SGCZ: variants seen among roughly 807,000 people sequenced by gnomAD.
SGCZ encodes zeta-sarcoglycan.
A neutral mutation model predicts 41.3 loss-of-function variants in SGCZ; 40 were observed. The ratio of observed to expected loss-of-function variants is 0.97; its 90% CI spans 0.75 to 1.26. The LOEUF (loss-of-function observed/expected upper bound fraction) is 1.26, where lower values mean the gene tolerates loss of function less well. Ranked by LOEUF, SGCZ falls within the 50% of genes most tolerant of loss-of-function variation. The pLI, the probability that SGCZ is intolerant of heterozygous loss-of-function variation, is 0.00. For synonymous variants in SGCZ, 206 were observed against 137.5 expected (o/e 1.50, Z -3.49); for missense variants, 552 against 369.8 (o/e 1.49, Z -4.04).
At chr8:14,831,524 T>C (rs965323397) in intron 1 of SGCZ, among the ~76,000 whole-genome samples, 2 of 152,082 alleles carry the variant, frequency 1.3e-5, no homozygotes, top group African/African-American at 4.8e-5. Flanking sequence ...CTACTACTTA[T>C]TCTACTAGAC....
intron 1 of SGCZ, among the ~76,000 whole-genome samples, chr8:14,868,003 T>C (rs1035175855): frequency 6.6e-6 from 1 of 152,064 alleles, no homozygotes; most frequent in Non-Finnish European, 1.5e-5. Context: ...TTCCACATGA[T>C]TGAGTCCCTG....
At chr8:14,471,466 A>T (rs1001508400) in intron 2 of SGCZ, among the ~76,000 whole-genome samples, 11 of 152,112 alleles carry the variant, frequency 7.2e-5, no homozygotes, top group African/African-American at 2.7e-4. Flanking sequence ...TGAATGATAC[A>T]ACATCCAATT....
chr8:15,152,578 T>C (rs1799210189), intron 1 of SGCZ, among the ~76,000 whole-genome samples: 1 of 152,158 alleles, frequency 6.6e-6, no homozygotes, highest in African/African-American at 2.4e-5. Context: ...GAAAAGCCAT[T>C]ATCTTTTCAG....
At chr8:14,259,428 GT>G (rs1799576105) in intron 3 of SGCZ, among the ~76,000 whole-genome samples, 1 of 151,038 alleles carries the variant, frequency 6.6e-6, no homozygotes, top group Non-Finnish European at 1.5e-5. Flanking sequence ...TTCTTCTAGG[GT>G]TTTTATGGTT....
chr8:14,405,457 C>T (rs1473853584), intron 2 of SGCZ, among the ~76,000 whole-genome samples: 2 of 151,922 alleles, frequency 1.3e-5, no homozygotes, highest in Admixed American at 1.3e-4. Flanking sequence ...TTTATTATAC[C>T]TCAATGTGCA....
intron 6 of SGCZ, 119 bp from the exon 7 acceptor site, chr8:14,102,618 A>G: frequency 4.2e-6 from 4 of 956,330 alleles, no homozygotes; most frequent in Non-Finnish European, 5.4e-6. Context: ...AACCAGACAG[A>G]CAGGCATAAA....
At chr8:14,957,457 C>G (rs897628342) in intron 1 of SGCZ, among the ~76,000 whole-genome samples, 1 of 151,848 alleles carries the variant, frequency 6.6e-6, no homozygotes, top group African/African-American at 2.4e-5. Context: ...CTTGGTCTTA[C>G]CGATTCTCAA....
chr8:14,801,290 G>T (rs758235897), intron 1 of SGCZ, among the ~76,000 whole-genome samples: 1 of 152,046 alleles, frequency 6.6e-6, no homozygotes, highest in Admixed American at 6.6e-5. Flanking sequence ...TATGCTACTG[G>T]CATTTCATTG....
intron 4 of SGCZ, among the ~76,000 whole-genome samples, chr8:14,183,774 C>T (rs991734581): frequency 7.9e-5 from 12 of 151,996 alleles, no homozygotes; most frequent in Admixed American, 2.6e-4. Flanking sequence ...GAAAACAATG[C>T]CTATTGTTAA....
intron 1 of SGCZ, among the ~76,000 whole-genome samples, chr8:15,117,677 G>C (rs1807323932): frequency 6.6e-6 from 1 of 152,124 alleles, no homozygotes; most frequent in South Asian, 2.1e-4. Context: ...GCTACCAAAT[G>C]CTACACAAAA....
At chr8:14,204,585 T>C (rs1805560165) in intron 4 of SGCZ, among the ~76,000 whole-genome samples, 1 of 152,156 alleles carries the variant, frequency 6.6e-6, no homozygotes, top group Non-Finnish European at 1.5e-5. Context: ...GGTGTGTCTG[T>C]TAGGGTGTTT....
chr8:14,574,347 G>A lies in SGCZ; in HGVS notation c.40-19421C>T, dbSNP rs554046721. 3.3e-5 allele frequency among the ~76,000 whole-genome samples: 5 copies of A among 149,574 alleles called. No individual in the cohort carries two copies. The South Asian group carries it at 1.0e-3, about 31-fold the overall frequency. On this transcript the variant is annotated intron_variant, in intron 1 of 7. Coordinates refer to ENST00000382080, the MANE Select transcript of SGCZ (RefSeq NM_139167.4). Reference sequence around the variant, plus strand: ...AACAAGAATTCCTTTTCCTCAAAGTGGTTCATAGAAACCAGAATCACTTTC... The same window carrying A: ...AACAAGAATTCCTTTTCCTCAAAGTAGTTCATAGAAACCAGAATCACTTTC...
intron 1 of SGCZ, among the ~76,000 whole-genome samples, chr8:14,652,450 A>C (rs555938965): frequency 6.6e-6 from 1 of 152,122 alleles, no homozygotes; most frequent in East Asian, 1.9e-4. Flanking sequence ...TAAGCAATTA[A>C]GTATTTCCCA....
At chr8:14,623,265 C>G (rs1050621477) in intron 1 of SGCZ, among the ~76,000 whole-genome samples, 10 of 152,102 alleles carry the variant, frequency 6.6e-5, no homozygotes, top group South Asian at 2.1e-4. Context: ...AATTAAGTAG[C>G]AGGAAAGCAA....
chr8:14,861,894 G>A (rs927106836), intron 1 of SGCZ, among the ~76,000 whole-genome samples: 1 of 151,902 alleles, frequency 6.6e-6, no homozygotes, highest in African/African-American at 2.4e-5. Context: ...CAAATAGGAT[G>A]GAAAATACAT....
intron 3 of SGCZ, among the ~76,000 whole-genome samples, chr8:14,278,980 G>T (rs1472553044): frequency 6.6e-6 from 1 of 152,106 alleles, no homozygotes; most frequent in Admixed American, 6.6e-5. Context: ...ATGTGTTAAA[G>T]AAATGGCTCT....
At chr8:14,901,273 C>T (rs1422278133) in intron 1 of SGCZ, among the ~76,000 whole-genome samples, 1 of 152,148 alleles carries the variant, frequency 6.6e-6, no homozygotes. Context: ...TGATGACTCA[C>T]TGGTAACCAC....
chr8:14,270,690 G>A (rs1800028476), intron 3 of SGCZ, among the ~76,000 whole-genome samples: 1 of 152,078 alleles, frequency 6.6e-6, no homozygotes, highest in Non-Finnish European at 1.5e-5. Flanking sequence ...AAGAAATGAT[G>A]TATAGGAATA....
intron 2 of SGCZ, among the ~76,000 whole-genome samples, chr8:14,432,778 G>T (rs1264220913): frequency 6.6e-6 from 1 of 151,964 alleles, no homozygotes; most frequent in Non-Finnish European, 1.5e-5. Flanking sequence ...GCCAGGCGTG[G>T]TGGAGGGCAA....
Sources: allele counts gnomAD v4.1 joint callset (sites outside exome capture counted in the v4.1 genomes callset), GRCh38; gene constraint gnomAD v4.1.1; transcripts MANE v1.5; gene names NCBI Gene and HGNC (gene_info 2026-07-23, HGNC 2026-07-21).